GALNT13: variants seen among roughly 807,000 people sequenced by gnomAD.
GALNT13 encodes the protein polypeptide N-acetylgalactosaminyltransferase 13.
Under a neutral mutation model 64.2 loss-of-function variants are expected in GALNT13, and 28 were observed. That is an observed-to-expected ratio of 0.44 (90% CI 0.32 to 0.60). The LOEUF (loss-of-function observed/expected upper bound fraction) is 0.60, where lower values mean the gene tolerates loss of function less well. Among genes scored for constraint, GALNT13 ranks in the 20% least tolerant of loss-of-function variants. The probability of loss-of-function intolerance (pLI) is 0.05; values close to 1 mark genes in which losing one functional copy is unlikely to be tolerated. For synonymous variants in GALNT13, 214 were observed against 224.6 expected, an observed-to-expected ratio of 0.95 and a Z score of 0.42; for missense variants, 577 against 669.8, an observed-to-expected ratio of 0.86 and a Z score of 1.53.
intron 4 of GALNT13, among the ~76,000 whole-genome samples, chr2:154,145,837 T>G (rs1192137153): frequency 6.6e-6 from 1 of 151,916 alleles, no homozygotes; most frequent in Admixed American, 6.6e-5. Context: ...ATTTATAAGG[T>G]TTGCCTTTCC....
chr2:153,610,997 TAGAA>T, the GALNT13 span, among the ~76,000 whole-genome samples: 1 of 152,016 alleles, frequency 6.6e-6, no homozygotes, highest in Non-Finnish European at 1.5e-5. Context: ...TGTGACAAAA[TAGAA>T]AGCCTAGGAA....
the GALNT13 span, among the ~76,000 whole-genome samples, chr2:153,577,159 T>G: frequency 2.0e-5 from 3 of 152,208 alleles, no homozygotes; most frequent in Admixed American, 6.5e-5. Flanking sequence ...TGTAGTCTTT[T>G]AGCATGACAT....
chr2:153,069,682 G>A, the GALNT13 span, among the ~76,000 whole-genome samples: 8 of 152,176 alleles, frequency 5.3e-5, no homozygotes, highest in Admixed American at 3.3e-4. Flanking sequence ...GCTGCACAAG[G>A]TGGAGCTCCT....
At chr2:154,305,296 T>C (rs1387708523) in intron 9 of GALNT13, among the ~76,000 whole-genome samples, 1 of 152,026 alleles carries the variant, frequency 6.6e-6, no homozygotes, top group Non-Finnish European at 1.5e-5. Context: ...AGAGAGAATC[T>C]GGTGTGTGTG....
intron 4 of GALNT13, among the ~76,000 whole-genome samples, chr2:154,222,029 T>C (rs1378443352): frequency 1.3e-5 from 2 of 152,126 alleles, no homozygotes; most frequent in African/African-American, 4.8e-5. Context: ...TAAAATGCTA[T>C]GGGTGGGTGC....
At chr2:153,182,481 G>A in the GALNT13 span, among the ~76,000 whole-genome samples, 1 of 152,108 alleles carries the variant, frequency 6.6e-6, no homozygotes, top group Non-Finnish European at 1.5e-5. Context: ...TACATTTGTA[G>A]GATGTGCAGG....
chr2:153,803,187 G>A, the GALNT13 span, among the ~76,000 whole-genome samples: 4 of 152,112 alleles, frequency 2.6e-5, no homozygotes, highest in South Asian at 2.1e-4. Context: ...CCCCATGTCC[G>A]AAATTCAGAT....
At chr2:154,142,206 C>T (rs900452645) in intron 4 of GALNT13, among the ~76,000 whole-genome samples, 8 of 152,108 alleles carry the variant, frequency 5.3e-5, no homozygotes, top group Non-Finnish European at 1.2e-4. Flanking sequence ...ATGATATTAG[C>T]ATCATATTTA....
At chr2:153,848,160 G>A in the GALNT13 span, among the ~76,000 whole-genome samples, 2 of 152,164 alleles carry the variant, frequency 1.3e-5, no homozygotes, top group Non-Finnish European at 2.9e-5. Context: ...TGTAAAACAA[G>A]TATTTGGGGG....
At chr2:153,603,062 CCGTATTCCAT>C in the GALNT13 span, among the ~76,000 whole-genome samples, 1 of 151,806 alleles carries the variant, frequency 6.6e-6, no homozygotes, top group African/African-American at 2.4e-5. Flanking sequence ...TACTATTCCA[CCGTATTCCAT>C]ATATTTACAA....
chr2:153,145,661 G>A, the GALNT13 span, among the ~76,000 whole-genome samples: 1 of 151,862 alleles, frequency 6.6e-6, no homozygotes, highest in South Asian at 2.1e-4. Context: ...CAGATGCTTG[G>A]TGGCAGATGG....
the GALNT13 span, among the ~76,000 whole-genome samples, chr2:153,138,861 G>A: frequency 6.6e-6 from 1 of 152,002 alleles, no homozygotes; most frequent in African/African-American, 2.4e-5. Flanking sequence ...ATAGCCTGAG[G>A]CTCTTTAATA....
chr2:154,003,324 C>T (rs1169517810), intron 3 of GALNT13, among the ~76,000 whole-genome samples: 1 of 152,156 alleles, frequency 6.6e-6, no homozygotes, highest in African/African-American at 2.4e-5. Context: ...TTTATTTCTT[C>T]CCAAGAAACT....
downstream of GALNT13, among the ~76,000 whole-genome samples, chr2:154,456,082 G>A (rs2349220): frequency 0.35 from 53,238 of 151,352 alleles, 9,544 homozygotes; most frequent in East Asian, 0.49. Context: ...TTCCAGTTGT[G>A]CTGAAATTTC....
At chr2:153,484,824 A>G in the GALNT13 span, among the ~76,000 whole-genome samples, 10 of 152,186 alleles carry the variant, frequency 6.6e-5, no homozygotes, top group African/African-American at 1.2e-4. Context: ...CTTAAGATCA[A>G]CTAGGATGGG....
chr2:154,456,138 G>A (rs1442334979), downstream of GALNT13, among the ~76,000 whole-genome samples: 3 of 53,564 alleles, frequency 5.6e-5, no homozygotes, highest in Non-Finnish European at 1.0e-4. Context: ...ATGATTACAT[G>A]TCTTTTTTTG....
the GALNT13 span, chr2:153,371,198 C>T: frequency 0.36 from 54,410 of 151,944 alleles, 10,372 homozygotes; most frequent in Non-Finnish European, 0.44. Flanking sequence ...TATCCTAATA[C>T]GGGTCATCTC....
chr2:153,133,388 G>A, the GALNT13 span, among the ~76,000 whole-genome samples: 134 of 152,274 alleles, frequency 8.8e-4, no homozygotes, highest in Non-Finnish European at 1.5e-3. Context: ...TTTGCAGGGG[G>A]TAGGAGCCTG....
chr2:153,208,609 G>T, the GALNT13 span, among the ~76,000 whole-genome samples: 1 of 152,088 alleles, frequency 6.6e-6, no homozygotes, highest in Admixed American at 6.6e-5. Context: ...CTGCTATAAA[G>T]ATTTGAATGT....
Sources: allele counts gnomAD v4.1 joint callset (sites outside exome capture counted in the v4.1 genomes callset), GRCh38; gene constraint gnomAD v4.1.1; transcripts MANE v1.5; gene names NCBI Gene and HGNC (gene_info 2026-07-23, HGNC 2026-07-21).